Variants in TBC1D9B observed in about 807,000 individuals in gnomAD.
TBC1D9B encodes the protein TBC1 domain family, member 9B (with GRAM domain).
TBC1D9B carries 87 observed loss-of-function variants against 121.1 expected under a neutral mutation model. The observed-to-expected ratio is 0.72, with a 90% confidence interval of 0.60 to 0.86. The LOEUF is 0.86. Among genes scored for constraint, TBC1D9B ranks in the 40% least tolerant of loss-of-function variants. The pLI is 0.00. For missense variants in TBC1D9B, 1,540 were observed against 1,628.6 expected, an observed-to-expected ratio of 0.95 and a Z score of 0.94; for synonymous variants, 668 against 670.1, an observed-to-expected ratio of 1.00 and a Z score of 0.05.
rs763042388 is a variant in TBC1D9B at position 179,871,542 on chromosome 5, G to A, written c.2416-12C>T. On this transcript the variant is annotated splice_polypyrimidine_tract_variant and intron_variant, in intron 14 of 20. Transcript: ENST00000355235. ...GGTATAGCTCGGACCTAGAAGGAAG[G>A]AGAAACAGGGTATATAGCTGGATCA... The A allele has an allele frequency of 1.9e-6, 3 of 1,611,922 alleles. No individual in the cohort carries two copies. The highest frequency in any genetic ancestry group is 1.7e-4 in the Middle Eastern group (1 of 6,050).
chr5:179,887,800 C>G (rs899679995), intron 7 of TBC1D9B: 19 of 460,730 alleles, frequency 4.1e-5, no homozygotes, highest in Admixed American at 1.5e-4. Context: ...CAGGCCTCCA[C>G]AGTGTGGCTT....
At chr5:179,876,109 C>G (rs1760353810) in intron 10 of TBC1D9B, 72 bp from the exon 11 acceptor site, 16 of 1,226,268 alleles carry the variant, frequency 1.3e-5, no homozygotes, top group Non-Finnish European at 1.8e-5. Flanking sequence ...CTCCCCACCC[C>G]TCCCAGCCAC....
chr5:179,903,459 G>A (rs566036247), intron 2 of TBC1D9B, among the ~76,000 whole-genome samples: 7 of 152,160 alleles, frequency 4.6e-5, no homozygotes, highest in African/African-American at 2.4e-5. Context: ...GCGGATTCTC[G>A]TTATTCAGGT....
rs1476085719 is a variant in TBC1D9B at position 179,907,028 on chromosome 5, T to TGCC, written c.118+673_118+675dup. On this transcript the variant is annotated intron_variant, in intron 1 of 20. Coordinates refer to ENST00000355235, the MANE Select transcript of TBC1D9B (RefSeq NM_015043.4). The surrounding 1 kb of genome is among the most constrained non-coding windows in gnomAD (Gnocchi z 5.3). ...CCCACAGGCCGCACGACTCCAAGGG[T>TGCC]GCCTGTCCAGCTTCATCCTGTGTGA... is the stretch of plus-strand genomic sequence containing the variant. Among the ~76,000 whole-genome samples, 2 of 151,754 alleles carry TGCC rather than the reference T, an allele frequency of 1.3e-5. No individual in the cohort carries two copies. Among genetic ancestry groups the TGCC allele is most frequent in the Admixed American group, 6.6e-5 (1 of 15,254 alleles).
rs796278508 is a variant in TBC1D9B, at chr5:179,881,946, G to GTTTTTTTTTTTTTTTTTTTTTTTTTTTT, written c.1255-2158_1255-2157insAAAAAAAAAAAAAAAAAAAAAAAAAAAA. Among the ~76,000 whole-genome samples, 15 of 128,284 alleles carry GTTTTTTTTTTTTTTTTTTTTTTTTTTTT rather than the reference G, an allele frequency of 1.2e-4. 1 individual carries two copies. Among genetic ancestry groups the GTTTTTTTTTTTTTTTTTTTTTTTTTTTT allele is most frequent in the African/African-American group, 5.0e-4 (15 of 29,964 alleles). 84.2% of individuals were successfully genotyped at this position (128,284 alleles called of 152,430 possible). A position where few individuals can be genotyped will look rare whatever the true frequency, so the allele number is the denominator to read the frequency against. ...TTCCATATCTTTCCATATACCTTCC[G>GTTTTTTTTTTTTTTTTTTTTTTTTTTTT]TTTTTTTTTTTTTTTTGAGATGGAG... On this transcript the variant is annotated intron_variant, in intron 7 of 20. Coordinates refer to ENST00000355235, the MANE Select transcript of TBC1D9B (RefSeq NM_015043.4).
rs796278508 is a variant in TBC1D9B at position 179,881,946 on chromosome 5, G to GTTTTTTTTTTTTTTTTTTTTTTTTTTT, written c.1255-2158_1255-2157insAAAAAAAAAAAAAAAAAAAAAAAAAAA. ...TTCCATATCTTTCCATATACCTTCCGTTTTTTTTTTTTTTTTGAGATGGAG... is the reference window on the plus strand; with the variant it reads ...TTCCATATCTTTCCATATACCTTCCGTTTTTTTTTTTTTTTTTTTTTTTTTTTTTTTTTTTTTTTTTTTGAGATGGAG... On this transcript the variant is annotated intron_variant, in intron 7 of 20. Coordinates refer to ENST00000355235, the MANE Select transcript of TBC1D9B (RefSeq NM_015043.4). 2.6e-4 allele frequency among the ~76,000 whole-genome samples: 33 copies of GTTTTTTTTTTTTTTTTTTTTTTTTTTT among 128,278 alleles called. 2 individuals carry two copies. The highest frequency in any genetic ancestry group is 1.0e-3 in the African/African-American group (30 of 29,960). 84.2% of individuals were successfully genotyped at this position (128,278 alleles called of 152,430 possible).
At chr5:179,868,448 C>T (rs1305909282) in intron 17 of TBC1D9B, 1 of 152,276 alleles carries the variant, frequency 6.6e-6, no homozygotes, top group Non-Finnish European at 1.5e-5. Flanking sequence ...CCTACTGCAT[C>T]CAGCCGCTTT....
In TBC1D9B at chr5:179,863,178, T is replaced by G; in HGVS notation, c.*270A>C. 1 of 484,140 alleles carries G rather than the reference T, an allele frequency of 2.1e-6. No homozygotes were observed. Among genetic ancestry groups the G allele is most frequent in the Non-Finnish European group, 3.7e-6 (1 of 270,706 alleles). 30.0% of individuals were successfully genotyped at this position (484,140 alleles called of 1,614,324 possible). On this transcript the variant is annotated 3_prime_UTR_variant, in exon 21 of 21. Transcript: ENST00000355235. The surrounding 1 kb of genome is among the most constrained non-coding windows in gnomAD (Gnocchi z 4.5). ...TGTAATGCTAGGCAGGTGCAGCTGGTGCGAGGCGGGCTCCCACCAGGTGTA... is the reference window on the plus strand; with the variant it reads ...TGTAATGCTAGGCAGGTGCAGCTGGGGCGAGGCGGGCTCCCACCAGGTGTA...
Position 179,863,064 on chromosome 5 carries a change from G to T in TBC1D9B, c.*384C>A. 3.9e-6 allele frequency: 1 copy of T among 259,268 alleles called. No homozygotes were observed. The highest frequency in any genetic ancestry group is 7.6e-6 in the Non-Finnish European group (1 of 131,544). The allele number at this position is 259,268 out of a possible 1,614,324, so 16.1% of individuals were successfully genotyped here. A position where few individuals can be genotyped will look rare whatever the true frequency, so the allele number is the denominator to read the frequency against. ...TGACCCCCATACCACATAGCTGCAGGAAAGCATCCACGGATGGAGGGACTC... is the reference window on the plus strand; with the variant it reads ...TGACCCCCATACCACATAGCTGCAGTAAAGCATCCACGGATGGAGGGACTC... On this transcript the variant is annotated 3_prime_UTR_variant, in exon 21 of 21. Coordinates refer to ENST00000355235, the MANE Select transcript of TBC1D9B (RefSeq NM_015043.4). The surrounding 1 kb of genome is among the most constrained non-coding windows in gnomAD (Gnocchi z 4.5).
In TBC1D9B at chr5:179,865,423, G is replaced by A. The variant is rs1449937020; in HGVS notation, c.2915-63C>T. ...TGAGACGGCTGCGGGCTGACAGCAGGGAGAGGAAGAGTTGGGTGTTTTCTG... is the reference window on the plus strand; with the variant it reads ...TGAGACGGCTGCGGGCTGACAGCAGAGAGAGGAAGAGTTGGGTGTTTTCTG... On this transcript the variant is annotated intron_variant, in intron 19 of 20. Coordinates refer to ENST00000355235, the MANE Select transcript of TBC1D9B (RefSeq NM_015043.4). The surrounding 1 kb of genome is among the most constrained non-coding windows in gnomAD (Gnocchi z 5.1). 2 of 1,494,516 alleles carry A rather than the reference G, an allele frequency of 1.3e-6. No individual in the cohort carries two copies. Among genetic ancestry groups the A allele is most frequent in the Admixed American group, 1.7e-5 (1 of 59,790 alleles). The allele number at this position is 1,494,516 out of a possible 1,614,324, so 92.6% of individuals were successfully genotyped here. A position where few individuals can be genotyped will look rare whatever the true frequency, so the allele number is the denominator to read the frequency against.
intron 7 of TBC1D9B, among the ~76,000 whole-genome samples, chr5:179,882,734 C>T (rs1171547041): frequency 1.3e-5 from 2 of 152,136 alleles, no homozygotes; most frequent in Non-Finnish European, 2.9e-5. Context: ...CACGTAGTCC[C>T]AGCTACTCAC....
At chr5:179,906,639 G>A (rs956683426) in intron 1 of TBC1D9B, among the ~76,000 whole-genome samples, 1 of 152,200 alleles carries the variant, frequency 6.6e-6, no homozygotes, top group Non-Finnish European at 1.5e-5. Flanking sequence ...GTCCAGAACA[G>A]GAGCCCGAGA....
At chr5:179,893,499 T>A (rs993121045) in intron 4 of TBC1D9B, 32 bp from the exon 5 acceptor site, 7 of 1,563,354 alleles carry the variant, frequency 4.5e-6, no homozygotes, top group Non-Finnish European at 6.1e-6. Flanking sequence ...CACCGCAAGT[T>A]AGGGCCTGGC....
Position 179,872,949 on chromosome 5 carries a change from C to T in TBC1D9B, c.2358G>A (p.Arg786=), listed in dbSNP as rs138378034. ...GGATCACTTTCAGCCTCTGTTTAAA[C>T]CGCATCTGCTCAATGTCTTCGGCCC... ...SLRAEDIEQM[R]FKQRLKVIQS... The change falls in exon 14 of 21, where the codon CGG becomes CGA. Residue 786 remains arginine (R), a synonymous_variant. Transcript: ENST00000355235. The T allele has an allele frequency of 9.1e-5, 141 of 1,551,898 alleles. 1 individual carries two copies. The highest frequency in any genetic ancestry group is 1.1e-4 in the Non-Finnish European group (131 of 1,148,734).
At chr5:179,901,458 G>A (rs1414506355) in intron 2 of TBC1D9B, among the ~76,000 whole-genome samples, 4 of 152,148 alleles carry the variant, frequency 2.6e-5, no homozygotes, top group East Asian at 1.9e-4. Flanking sequence ...TCTCCTCCTC[G>A]CTGCCTGTGT....
chr5:179,900,246 C>A (rs1160409265), intron 2 of TBC1D9B, among the ~76,000 whole-genome samples: 2 of 152,130 alleles, frequency 1.3e-5, no homozygotes, highest in African/African-American at 4.8e-5. Flanking sequence ...CAGCACGATG[C>A]CACTTTCAAA....
chr5:179,886,666 G>C (rs929985025), intron 7 of TBC1D9B, among the ~76,000 whole-genome samples: 5 of 152,250 alleles, frequency 3.3e-5, no homozygotes, highest in Non-Finnish European at 7.3e-5. Flanking sequence ...CGGCTCTAGA[G>C]CATGGAGGAC....
rs1290844858 is a variant in TBC1D9B, at chr5:179,885,736, T to A, written c.1254+2367A>T. On this transcript the variant is annotated intron_variant, in intron 7 of 20. Transcript: ENST00000355235. This position sits in a 1 kb window ranked among gnomAD's most constrained non-coding sequence, Gnocchi z 4.5. Reference sequence around the variant, plus strand: ...GTGCTCCATGGCCACACGTGGCTGCTGTACTAGACGGGGCACCTCTAATCC... The same window carrying A: ...GTGCTCCATGGCCACACGTGGCTGCAGTACTAGACGGGGCACCTCTAATCC... Among the ~76,000 whole-genome samples, 2 of 152,216 alleles carry A rather than the reference T, an allele frequency of 1.3e-5. No homozygotes were observed. Among genetic ancestry groups the A allele is most frequent in the Non-Finnish European group, 2.9e-5 (2 of 68,034 alleles).
Position 179,893,301 on chromosome 5 carries a change from G to C in TBC1D9B, c.744C>G (p.Ala248=). The C allele has an allele frequency of 2.5e-6, 4 of 1,614,090 alleles. No individual in the cohort carries two copies. The highest frequency in any genetic ancestry group is 3.4e-6 in the Non-Finnish European group (4 of 1,180,042). ...CCTCGCTGTCCAGCAGCTGCCGCAT[G>C]GCCAGGTTGGCCAACTGCTCCATGA... ...FKLMEQLANL[A]MRQLLDSEGF... is the part of the protein sequence containing the mutation. The change falls in exon 5 of 21, where the codon GCC becomes GCG. Residue 248 remains alanine, a synonymous_variant. Transcript: ENST00000355235.
Sources: allele counts gnomAD v4.1 joint callset (sites outside exome capture counted in the v4.1 genomes callset), GRCh38; gene constraint gnomAD v4.1.1; non-coding constraint Gnocchi (gnomAD v3.1); transcripts MANE v1.5; gene names NCBI Gene and HGNC (gene_info 2026-07-23, HGNC 2026-07-21).